PCGF3: variants seen among roughly 807,000 people sequenced by gnomAD.
The protein encoded by PCGF3 is polycomb group ring finger 3.
Under a neutral mutation model 33.1 loss-of-function variants are expected in PCGF3, and 7 were observed. The ratio of observed to expected loss-of-function variants is 0.21; its 90% CI spans 0.12 to 0.40. PCGF3 has a LOEUF of 0.40. PCGF3 is among the 10% of genes least tolerant of loss of function. PCGF3 has a pLI of 1.00. For missense variants in PCGF3, 211 were observed against 313.3 expected, an observed-to-expected ratio of 0.67 and a Z score of 2.46; for synonymous variants, 153 against 121.3, an observed-to-expected ratio of 1.26 and a Z score of -1.72.
At chr4:727,776 G>T (rs13116048) in intron 1 of PCGF3, among the ~76,000 whole-genome samples, 1 of 151,930 alleles carries the variant, frequency 6.6e-6, no homozygotes, top group Admixed American at 6.6e-5. Context: ...TTTCACCTCT[G>T]TGTTTCCTGG....
At chr4:725,488 G>A (rs1311274920) in intron 1 of PCGF3, among the ~76,000 whole-genome samples, 1 of 151,834 alleles carries the variant, frequency 6.6e-6, no homozygotes, top group African/African-American at 2.4e-5. Context: ...TCCACGTGAG[G>A]AGGGAGTAGG....
At chr4:762,250 A>C (rs1745101125) in intron 9 of PCGF3, 7 of 307,368 alleles carry the variant, frequency 2.3e-5, no homozygotes, top group Non-Finnish European at 3.3e-5. Context: ...GTGGAGCCTA[A>C]ATCCCATGAC....
chr4:726,628 CA>C (rs1560201395), intron 1 of PCGF3, among the ~76,000 whole-genome samples: 1 of 152,200 alleles, frequency 6.6e-6, no homozygotes, highest in Non-Finnish European at 1.5e-5. Flanking sequence ...CCCTCCTTAG[CA>C]ACCTCCAAAG....
At position 765,213 on chromosome 4, in the gene PCGF3, C is replaced by T. The variant is rs1313501282; in HGVS notation, c.681+149C>T. On this transcript the variant is annotated intron_variant, in intron 10 of 10. Transcript: ENST00000362003. ...CTTTGGGAGGACGAGGCGGGCGGAT[C>T]ACGAGGTCAGGAGATCCAGACAATC... 8.5e-6 allele frequency: 5 copies of T among 591,388 alleles called. No homozygotes were observed. The East Asian group carries it at 1.5e-4, about 18-fold the overall frequency. 36.6% of individuals were successfully genotyped at this position (591,388 alleles called of 1,614,324 possible).
chr4:760,219 G>A (rs981465646), intron 8 of PCGF3, among the ~76,000 whole-genome samples: 18 of 152,200 alleles, frequency 1.2e-4, no homozygotes, highest in Non-Finnish European at 2.9e-5. Flanking sequence ...GCCCTTCACT[G>A]TTGTGGGAGA....
rs201520534 is a variant in PCGF3 at position 761,435 on chromosome 4, G to A, written c.600+19G>A. The A allele has an allele frequency of 1.0e-4, 165 of 1,574,074 alleles. No individual in the cohort carries two copies. The African/African-American group carries it at 1.9e-3, about 19-fold the overall frequency. On this transcript the variant is annotated intron_variant, in intron 9 of 10. Transcript: ENST00000362003. ...TAACGAGGTAACAGTTGATCCCTAA[G>A]TAGAAACCATAACAAGTCCTCTCTT... is the stretch of plus-strand genomic sequence containing the variant.
exon 11 of PCGF3, chr4:769,598 A>C (rs1271603351): frequency 6.6e-6 from 1 of 152,020 alleles, no homozygotes; most frequent in Non-Finnish European, 1.5e-5. Context: ...GGTGCGGGCA[A>C]TGGCCACGTG....
intron 8 of PCGF3, among the ~76,000 whole-genome samples, chr4:751,817 G>A (rs1484034732): frequency 6.6e-6 from 1 of 152,006 alleles, no homozygotes; most frequent in East Asian, 1.9e-4. Flanking sequence ...AGCAGCCGAG[G>A]CTCAGGGTGG....
chr4:739,826 C>G (rs1744008743), intron 6 of PCGF3, among the ~76,000 whole-genome samples: 1 of 152,228 alleles, frequency 6.6e-6, no homozygotes, highest in South Asian at 2.1e-4. Context: ...CAACTCCACT[C>G]TACGTTGAAG....
intron 1 of PCGF3, among the ~76,000 whole-genome samples, chr4:728,973 G>A (rs942163842): frequency 4.0e-5 from 6 of 151,772 alleles, no homozygotes; most frequent in Admixed American, 1.3e-4. Flanking sequence ...GGTGGCGGAC[G>A]TCTATAATCC....
chr4:735,506 G>C (rs1258885259), intron 5 of PCGF3, among the ~76,000 whole-genome samples: 1 of 151,862 alleles, frequency 6.6e-6, no homozygotes, highest in African/African-American at 2.4e-5. Flanking sequence ...AGATTGCGCC[G>C]TTGCACTCCA....
At chr4:742,148 C>T (rs987072455) in intron 6 of PCGF3, among the ~76,000 whole-genome samples, 1 of 149,910 alleles carries the variant, frequency 6.7e-6, no homozygotes, top group African/African-American at 2.5e-5. Context: ...TCTCGGGGTC[C>T]CCTCCTCTCT....
chr4:769,870 G>C lies in PCGF3; in HGVS notation c.*3791G>C, dbSNP rs79692626. 512 of 152,776 alleles carry C rather than the reference G, an allele frequency of 3.4e-3. 1 individual carries two copies. The highest frequency in any genetic ancestry group is 6.2e-3 in the Admixed American group (95 of 15,306). 9.5% of individuals were successfully genotyped at this position (152,776 alleles called of 1,614,324 possible). A position where few individuals can be genotyped will look rare whatever the true frequency, so the allele number is the denominator to read the frequency against. ...CAGACGAAGGCAGTCGAGGTGTGGAGGTGATCACGAAGATACATGTGTTTG... is the reference window on the plus strand; with the variant it reads ...CAGACGAAGGCAGTCGAGGTGTGGACGTGATCACGAAGATACATGTGTTTG... On this transcript the variant is annotated 3_prime_UTR_variant, in exon 11 of 11. Coordinates refer to ENST00000362003, the Ensembl canonical transcript of PCGF3.
At chr4:761,899 C>A in intron 9 of PCGF3, 3 of 985,426 alleles carry the variant, frequency 3.0e-6, no homozygotes, top group Non-Finnish European at 3.6e-6. Flanking sequence ...CAGGCGCCAG[C>A]AGGGTCCAGC....
intron 8 of PCGF3, among the ~76,000 whole-genome samples, chr4:747,981 C>G (rs1025749057): frequency 8.5e-5 from 13 of 152,250 alleles, no homozygotes; most frequent in African/African-American, 3.1e-4. Flanking sequence ...AGCCCCATGG[C>G]CCACGTTTTG....
At chr4:744,640 G>A (rs377321350) in exon 8 of PCGF3, 32 of 1,562,048 alleles carry the variant, frequency 2.0e-5, no homozygotes, top group Admixed American at 3.8e-5. Context: ...AAGAGGCCGC[G>A]GAGGAGAAGC....
chr4:765,686 G>A (rs528462202), intron 10 of PCGF3, among the ~76,000 whole-genome samples: 2 of 152,114 alleles, frequency 1.3e-5, no homozygotes, highest in Non-Finnish European at 2.9e-5. Context: ...CCTGGGGAGA[G>A]GGGGAGGAGC....
At chr4:763,009 A>G (rs1400501881) in intron 9 of PCGF3, among the ~76,000 whole-genome samples, 2 of 151,848 alleles carry the variant, frequency 1.3e-5, no homozygotes, top group African/African-American at 4.8e-5. Flanking sequence ...AGAGGCTGTC[A>G]GGTCATGGGG....
At chr4:762,406 G>C (rs928789052) in intron 9 of PCGF3, 1 of 152,274 alleles carries the variant, frequency 6.6e-6, no homozygotes, top group Admixed American at 6.5e-5. Context: ...AGGCTCCCCG[G>C]CTGTGGTCCG....
Sources: gnomAD v4.1 joint callset for allele counts (sites outside exome capture counted in the v4.1 genomes callset) on GRCh38, gnomAD v4.1.1 for gene constraint, MANE v1.5 for transcripts, NCBI Gene and HGNC (gene_info 2026-07-23, HGNC 2026-07-21) for gene names.